Variants in HES7 observed in about 807,000 individuals in gnomAD.
The protein encoded by HES7 is hes family bHLH transcription factor 7.
HES7 carries 8 observed loss-of-function variants against 18.0 expected under a neutral mutation model. The ratio of observed to expected loss-of-function variants is 0.45; its 90% CI spans 0.26 to 0.80. The LOEUF (loss-of-function observed/expected upper bound fraction) is 0.80, where lower values mean the gene tolerates loss of function less well. Ranked by LOEUF, HES7 falls within the 30% of genes least tolerant of loss-of-function variation. The probability of loss-of-function intolerance (pLI) is 0.18; values close to 1 mark genes in which losing one functional copy is unlikely to be tolerated. For synonymous variants in HES7, 170 were observed against 158.6 expected (o/e 1.07, Z -0.54); for missense variants, 356 against 340.9 (o/e 1.04, Z -0.35).
upstream of HES7, chr17:8,124,180 C>T: frequency 6.2e-6 from 9 of 1,452,588 alleles, no homozygotes; most frequent in Non-Finnish European, 8.6e-6. Context: ...GACCCCGCCC[C>T]CTTCGACATC....
In HES7 at chr17:8,121,924, C is replaced by A; in HGVS notation, c.340G>T (p.Asp114Tyr). The change falls in exon 4 of 4, where the codon GAC becomes TAC. Residue 114 changes from aspartate to tyrosine, a missense_variant. Asp to Tyr is a radical substitution (Grantham distance 160). Coordinates refer to ENST00000541682, the MANE Select transcript of HES7 (RefSeq NM_001165967.2). ...TGGGCGCGGGCGGCCGGGCTGGCGT[C>A]GTGCGCGAAGGCCGCCAAGCGAAGC... ...CLLRLAAFAH[D>Y]ASPAARAQLF... is the part of the protein sequence containing the mutation. The A allele has an allele frequency of 6.4e-7, 1 of 1,564,584 alleles. No homozygotes were observed.
chr17:8,121,524 G>A lies in HES7; in HGVS notation c.*47C>T, dbSNP rs1020899015. The A allele has an allele frequency of 1.6e-6, 2 of 1,271,222 alleles. No homozygotes were observed. Among genetic ancestry groups the A allele is most frequent in the African/African-American group, 1.6e-5 (1 of 64,424 alleles). 78.7% of individuals were successfully genotyped at this position (1,271,222 alleles called of 1,614,324 possible). A position where few individuals can be genotyped will look rare whatever the true frequency, so the allele number is the denominator to read the frequency against. On this transcript the variant is annotated 3_prime_UTR_variant, in exon 4 of 4. Transcript: ENST00000541682. ...GGGTCCCTCTGCTGCCCTCGGGCTGGAGTCTCTACCCCACCCCTAGACCCC... is the reference window on the plus strand; with the variant it reads ...GGGTCCCTCTGCTGCCCTCGGGCTGAAGTCTCTACCCCACCCCTAGACCCC...
chr17:8,123,906 C>T lies in HES7; in HGVS notation c.42+137G>A. ...TCATATTTTGCAGCTTCCTCTCCAG[C>T]TTCTGGCTCCTGGAGTTCTGGAGCA... On this transcript the variant is annotated intron_variant, in intron 1 of 3. Transcript: ENST00000541682. This position sits in a 1 kb window ranked among gnomAD's most constrained non-coding sequence, Gnocchi z 5.9. The T allele has an allele frequency of 1.0e-6, 1 of 963,474 alleles. No homozygotes were observed. Among genetic ancestry groups the T allele is most frequent in the Non-Finnish European group, 1.6e-6 (1 of 625,868 alleles). 59.7% of individuals were successfully genotyped at this position (963,474 alleles called of 1,614,324 possible). A position where few individuals can be genotyped will look rare whatever the true frequency, so the allele number is the denominator to read the frequency against.
rs929475942 is a variant in HES7 at position 8,122,822 on chromosome 17, A to G, written c.138+209T>C. ...CCCCGGGAGCGAAATTTACAGAACCAGGCGTGAAACTTACAGACCCGAGGG... is the reference window on the plus strand; with the variant it reads ...CCCCGGGAGCGAAATTTACAGAACCGGGCGTGAAACTTACAGACCCGAGGG... On this transcript the variant is annotated intron_variant, in intron 2 of 3. Transcript: ENST00000541682. The surrounding 1 kb of genome is among the most constrained non-coding windows in gnomAD (Gnocchi z 6.9). 6.6e-6 allele frequency among the ~76,000 whole-genome samples: 1 copy of G among 152,154 alleles called. No individual in the cohort carries two copies. Among genetic ancestry groups the G allele is most frequent in the Non-Finnish European group, 1.5e-5 (1 of 68,020 alleles).
upstream of HES7, among the ~76,000 whole-genome samples, chr17:8,126,618 C>A (rs1307199169): frequency 6.6e-6 from 1 of 152,154 alleles, no homozygotes. Context: ...CCTGCGGCGA[C>A]CACTTGTGAG....
Position 8,121,887 on chromosome 17 carries a change from G to C in HES7, c.377C>G (p.Ala126Gly), listed in dbSNP as rs1157025145. 2.0e-5 allele frequency: 32 copies of C among 1,571,448 alleles called. No individual in the cohort carries two copies. Among genetic ancestry groups the C allele is most frequent in the Non-Finnish European group, 2.7e-5 (31 of 1,169,088 alleles). Residue 126 changes from alanine (A) to glycine (G), a missense_variant, in exon 4 of 4, where the codon GCG becomes GGG. Transcript: ENST00000541682. ...SPAARAQLFS[A>G]LHGYLRPKPP... ...TTTGGGGCGCAGATAGCCGTGCAGC[G>C]CGGAGAAGAGCTGGGCGCGGGCGGC...
Position 8,123,076 on chromosome 17 carries a change from G to T in HES7, c.93C>A (p.Ser31Arg), listed in dbSNP as rs759833400. 8.1e-6 allele frequency: 13 copies of T among 1,607,036 alleles called. No homozygotes were observed. The Admixed American group carries it at 2.0e-4, about 25-fold the overall frequency. ...EKRRRDRINRSLEELRLLLLE... is the reference protein window; with the variant it reads ...EKRRRDRINRRLEELRLLLLE... ...GCAGCAGCAGCCTCAGCTCTTCCAG[G>T]CTGCGGTTGATGCGGTCCCGGCGCC... Residue 31 changes from serine to arginine, a missense_variant, in exon 2 of 4, where the codon AGC becomes AGA. Coordinates refer to ENST00000541682, the MANE Select transcript of HES7 (RefSeq NM_001165967.2). This position sits in a 1 kb window ranked among gnomAD's most constrained non-coding sequence, Gnocchi z 5.9.
upstream of HES7, among the ~76,000 whole-genome samples, chr17:8,125,738 T>C (rs148082379): frequency 1.1e-4 from 17 of 152,316 alleles, no homozygotes; most frequent in East Asian, 7.7e-4. Context: ...GCAGAATCTT[T>C]AAGCCGCGCA....
Position 8,122,523 on chromosome 17 carries a change from C to A in HES7, c.139-93G>T. On this transcript the variant is annotated intron_variant, in intron 2 of 3. Coordinates refer to ENST00000541682, the MANE Select transcript of HES7 (RefSeq NM_001165967.2). The surrounding 1 kb of genome is among the most constrained non-coding windows in gnomAD (Gnocchi z 6.9). ...AAGAAGGGAGGGACGGATGCGGGAGCTGGTGGTGCCCCCGATCGCATTTGC... is the reference window on the plus strand; with the variant it reads ...AAGAAGGGAGGGACGGATGCGGGAGATGGTGGTGCCCCCGATCGCATTTGC... The A allele has an allele frequency of 1.1e-6, 1 of 881,834 alleles. No homozygotes were observed. Among genetic ancestry groups the A allele is most frequent in the Non-Finnish European group, 1.8e-6 (1 of 547,062 alleles). The allele number at this position is 881,834 out of a possible 1,614,324, so 54.6% of individuals were successfully genotyped here. A position where few individuals can be genotyped will look rare whatever the true frequency, so the allele number is the denominator to read the frequency against.
At position 8,121,340 on chromosome 17, in the gene HES7, T is replaced by C; in HGVS notation, c.*231A>G. 1 of 386,514 alleles carries C rather than the reference T, an allele frequency of 2.6e-6. No individual in the cohort carries two copies. Among genetic ancestry groups the C allele is most frequent in the Middle Eastern group, 6.5e-4 (1 of 1,542 alleles). 23.9% of individuals were successfully genotyped at this position (386,514 alleles called of 1,614,324 possible). A position where few individuals can be genotyped will look rare whatever the true frequency, so the allele number is the denominator to read the frequency against. On this transcript the variant is annotated 3_prime_UTR_variant, in exon 4 of 4. Coordinates refer to ENST00000541682, the MANE Select transcript of HES7 (RefSeq NM_001165967.2). The stretch of plus-strand genomic sequence containing the variant: ...GGACTGGGCTGAGGGGCAGAGAGAG[T>C]ACAATCCTAGACGCAAGGGAGAAGT...
In HES7 at chr17:8,123,393, TTC is replaced by T. The variant is rs1412824744; in HGVS notation, c.43-269_43-268del. The T allele has an allele frequency of 1.8e-6, 1 of 552,944 alleles. No individual in the cohort carries two copies. Among genetic ancestry groups the T allele is most frequent in the Non-Finnish European group, 3.3e-6 (1 of 306,884 alleles). 34.3% of individuals were successfully genotyped at this position (552,944 alleles called of 1,614,324 possible). On this transcript the variant is annotated intron_variant, in intron 1 of 3. Transcript: ENST00000541682. This position sits in a 1 kb window ranked among gnomAD's most constrained non-coding sequence, Gnocchi z 5.9. ...CCCTCTCTGTGTCTCTCCTCCTCTTTTCTCTCTACGTCTCCGTCTGGTGCAGT... is the reference window on the plus strand; with the variant it reads ...CCCTCTCTGTGTCTCTCCTCCTCTTTTCTCTACGTCTCCGTCTGGTGCAGT...
chr17:8,121,908 G>A lies in HES7; in HGVS notation c.356C>T (p.Ala119Val). The change falls in exon 4 of 4, where the codon GCC (alanine) becomes GTC (valine). Residue 119 changes from alanine (A) to valine (V), a missense_variant. Transcript: ENST00000541682. ...CAGCGCGGAGAAGAGCTGGGCGCGG[G>A]CGGCCGGGCTGGCGTCGTGCGCGAA... Reference protein sequence around the residue: ...AAFAHDASPAARAQLFSALHG... With the variant: ...AAFAHDASPAVRAQLFSALHG... The A allele has an allele frequency of 6.4e-7, 1 of 1,566,394 alleles. No homozygotes were observed. Among genetic ancestry groups the A allele is most frequent in the Non-Finnish European group, 8.6e-7 (1 of 1,167,128 alleles).
rs1981364630 is a variant in HES7, at chr17:8,121,950, A to G, written c.314T>C (p.Leu105Pro). The G allele has an allele frequency of 6.4e-7, 1 of 1,558,490 alleles. No individual in the cohort carries two copies. Among genetic ancestry groups the G allele is most frequent in the Non-Finnish European group, 8.6e-7 (1 of 1,162,720 alleles). Residue 105 changes from leucine (L) to proline (P), a missense_variant, in exon 4 of 4, where the codon CTG becomes CCG. Coordinates refer to ENST00000541682, the MANE Select transcript of HES7 (RefSeq NM_001165967.2). ...GTGCGCGAAGGCCGCCAAGCGAAGC[A>G]GGCACTCGCGGAAACCGGACAAGTA... ...SCYLSGFRECLLRLAAFAHDA... is the reference protein window; with the variant it reads ...SCYLSGFRECPLRLAAFAHDA...
Position 8,124,087 on chromosome 17 carries a change from C to A in HES7, c.-3G>T. Reference sequence around the variant, plus strand: ...TCAGCTCGATCCCGGGTGACCATTGCTCCTCCGGACCCTGTGTGGACCGGT... The same window carrying A: ...TCAGCTCGATCCCGGGTGACCATTGATCCTCCGGACCCTGTGTGGACCGGT... On this transcript the variant is annotated 5_prime_UTR_variant, in exon 1 of 4. Coordinates refer to ENST00000541682, the MANE Select transcript of HES7 (RefSeq NM_001165967.2). The A allele has an allele frequency of 6.2e-7, 1 of 1,614,074 alleles. No individual in the cohort carries two copies. The highest frequency in any genetic ancestry group is 8.5e-7 in the Non-Finnish European group (1 of 1,180,032).
At chr17:8,124,444 A>G (rs1442964305), upstream of HES7, among the ~76,000 whole-genome samples, 1 of 152,092 alleles carries the variant, frequency 6.6e-6, no homozygotes. Flanking sequence ...GGCTTACTGT[A>G]CCCTCACTAA....
At chr17:8,124,849 A>G (rs573883597), upstream of HES7, among the ~76,000 whole-genome samples, 1 of 152,318 alleles carries the variant, frequency 6.6e-6, no homozygotes, top group Admixed American at 6.5e-5. Flanking sequence ...GAGGATCTTC[A>G]AGGCAGAGGG....
chr17:8,122,558 A>G lies in HES7; in HGVS notation c.139-128T>C. On this transcript the variant is annotated intron_variant, in intron 2 of 3. Transcript: ENST00000541682. The surrounding 1 kb of genome is among the most constrained non-coding windows in gnomAD (Gnocchi z 6.9). ...CCCCGATCGCATTTGCGCACTGCCC[A>G]CAGAACGCGCGACCAAATGCGGAGT... 1.4e-6 allele frequency: 1 copy of G among 703,692 alleles called. No individual in the cohort carries two copies. 43.6% of individuals were successfully genotyped at this position (703,692 alleles called of 1,614,324 possible).
At position 8,122,044 on chromosome 17, in the gene HES7, C is replaced by A. The variant is rs1372483607; in HGVS notation, c.227-7G>T. The A allele has an allele frequency of 6.7e-7, 1 of 1,497,150 alleles. No homozygotes were observed. The highest frequency in any genetic ancestry group is 2.6e-5 in the East Asian group (1 of 38,010). The allele number at this position is 1,497,150 out of a possible 1,614,324, so 92.7% of individuals were successfully genotyped here. ...ACCCCTGGAGCCGCGGCGGCTGGTG[C>A]GGCCGGCGGGAGCACAGGTGGGCAG... On this transcript the variant is annotated splice_polypyrimidine_tract_variant and splice_region_variant and intron_variant, in intron 3 of 3. Coordinates refer to ENST00000541682, the MANE Select transcript of HES7 (RefSeq NM_001165967.2). The surrounding 1 kb of genome is among the most constrained non-coding windows in gnomAD (Gnocchi z 6.9).
rs571199056 is a variant in HES7 at position 8,121,438 on chromosome 17, A to G, written c.*133T>C. On this transcript the variant is annotated 3_prime_UTR_variant, in exon 4 of 4. Coordinates refer to ENST00000541682, the MANE Select transcript of HES7 (RefSeq NM_001165967.2). ...GATACTCTAATATAGACCACATCTC[A>G]CCCGCGCGCTGAGCCCGCGCGCCCC... 9 of 585,670 alleles carry G rather than the reference A, an allele frequency of 1.5e-5. No homozygotes were observed. Among genetic ancestry groups the G allele is most frequent in the Non-Finnish European group, 2.3e-5 (9 of 391,298 alleles). 36.3% of individuals were successfully genotyped at this position (585,670 alleles called of 1,614,324 possible).
Sources: allele counts gnomAD v4.1 joint callset (sites outside exome capture counted in the v4.1 genomes callset), GRCh38; gene constraint gnomAD v4.1.1; non-coding constraint Gnocchi (gnomAD v3.1); transcripts MANE v1.5; gene names NCBI Gene and HGNC (gene_info 2026-07-23, HGNC 2026-07-21).